PPP5C: variants seen among roughly 807,000 people sequenced by gnomAD.
PPP5C encodes the protein protein phosphatase 5 catalytic subunit, also known as serine/threonine-protein phosphatase 5.
A neutral mutation model predicts 66.7 loss-of-function variants in PPP5C; 21 were observed. The ratio of observed to expected loss-of-function variants is 0.31; its 90% CI spans 0.22 to 0.45. The LOEUF (loss-of-function observed/expected upper bound fraction) is 0.45. Ranked by LOEUF, PPP5C falls within the 20% of genes least tolerant of loss-of-function variation. The pLI is 1.00. For synonymous variants in PPP5C, 246 were observed against 257.4 expected, an observed-to-expected ratio of 0.96 and a Z score of 0.43; for missense variants, 464 against 675.9, an observed-to-expected ratio of 0.69 and a Z score of 3.48.
Position 46,376,666 on chromosome 19 carries a change from A to C in PPP5C, c.633+92A>C. The C allele has an allele frequency of 6.5e-7, 1 of 1,533,162 alleles. No homozygotes were observed. The highest frequency in any genetic ancestry group is 8.8e-7 in the Non-Finnish European group (1 of 1,132,504). The allele number at this position is 1,533,162 out of a possible 1,614,324, so 95.0% of individuals were successfully genotyped here. On this transcript the variant is annotated intron_variant, in intron 4 of 12. Transcript: ENST00000012443. This position sits in a 1 kb window ranked among gnomAD's most constrained non-coding sequence, Gnocchi z 5.1. ...GGGCACTGAGCAAAACGACAGGAGA[A>C]GGGCGGCCATGACAGCCAACACCAA...
In PPP5C at chr19:46,390,682, C is replaced by A. The variant is rs1203268809; in HGVS notation, c.*336C>A. The A allele has an allele frequency of 8.2e-7, 1 of 1,222,860 alleles. No individual in the cohort carries two copies. Among genetic ancestry groups the A allele is most frequent in the Non-Finnish European group, 1.0e-6 (1 of 966,292 alleles). 75.8% of individuals were successfully genotyped at this position (1,222,860 alleles called of 1,614,324 possible). On this transcript the variant is annotated 3_prime_UTR_variant, in exon 13 of 13. Coordinates refer to ENST00000012443, the MANE Select transcript of PPP5C (RefSeq NM_006247.4). The stretch of plus-strand genomic sequence containing the variant: ...TTGCATGGCTCCTCCCCCACTCAAG[C>A]AATAGGGCCCCGCCATAGGAAGACC...
intron 1 of PPP5C, among the ~76,000 whole-genome samples, chr19:46,352,859 G>A (rs987336349): frequency 1.3e-5 from 2 of 151,692 alleles, no homozygotes; most frequent in African/African-American, 2.4e-5. Flanking sequence ...GTCACCTGCT[G>A]TGTGACCTTG....
At chr19:46,375,528 AGGGCTGGGCAGCCTGG>A in intron 2 of PPP5C, 60 bp from the exon 3 acceptor site, 1 of 1,570,364 alleles carries the variant, frequency 6.4e-7, no homozygotes, top group South Asian at 1.2e-5. Context: ...CATGGAACCC[AGGGCTGGGCAGCCTGG>A]GGGCAACCGC....
intron 1 of PPP5C, among the ~76,000 whole-genome samples, chr19:46,352,479 G>A (rs1295264891): frequency 6.6e-6 from 1 of 152,172 alleles, no homozygotes; most frequent in African/African-American, 2.4e-5. Context: ...GGTCACCATG[G>A]CATGGGGCGT....
At chr19:46,386,392 G>A (rs573343112) in intron 7 of PPP5C, among the ~76,000 whole-genome samples, 1 of 152,306 alleles carries the variant, frequency 6.6e-6, no homozygotes, top group East Asian at 1.9e-4. Flanking sequence ...TCCAGCACAG[G>A]GTCAAAGCTC....
Position 46,387,124 on chromosome 19 carries a change from C to T in PPP5C, c.936C>T (p.Ile312=). The part of the protein sequence containing the change: ...GNHETDNMNQ[I]YGFEGEVKAK... ...ACGAGACAGACAACATGAACCAGAT[C>T]TACGGTTTCGAGGGTGAGGTGAAGG... Residue 312 remains isoleucine, a synonymous_variant, in exon 8 of 13, where the codon ATC becomes ATT. Coordinates refer to ENST00000012443, the MANE Select transcript of PPP5C (RefSeq NM_006247.4). The T allele has an allele frequency of 6.2e-7, 1 of 1,614,230 alleles. No homozygotes were observed. Among genetic ancestry groups the T allele is most frequent in the Non-Finnish European group, 8.5e-7 (1 of 1,180,048 alleles).
chr19:46,383,726 CTCCCCACGTCTCTCTCTCGGCCCG>C lies in PPP5C; in HGVS notation c.700-49_700-26del, dbSNP rs1373948879. ...TTACCCTTCCCCTCACCTCTGCCCC[CTCCCCACGTCTCTCTCTCGGCCCG>C]TCCCTCTCCGGTGGCCTCTTTTCTT... On this transcript the variant is annotated intron_variant, in intron 5 of 12. Coordinates refer to ENST00000012443, the MANE Select transcript of PPP5C (RefSeq NM_006247.4). The surrounding 1 kb of genome is among the most constrained non-coding windows in gnomAD (Gnocchi z 5.0). 1.0e-5 allele frequency: 15 copies of C among 1,430,798 alleles called. No individual in the cohort carries two copies. Among genetic ancestry groups the C allele is most frequent in the African/African-American group, 1.4e-5 (1 of 70,936 alleles). 88.6% of individuals were successfully genotyped at this position (1,430,798 alleles called of 1,614,324 possible). A position where few individuals can be genotyped will look rare whatever the true frequency, so the allele number is the denominator to read the frequency against.
At chr19:46,370,577 C>T (rs954421252) in intron 2 of PPP5C, among the ~76,000 whole-genome samples, 4 of 152,144 alleles carry the variant, frequency 2.6e-5, no homozygotes, top group African/African-American at 4.8e-5. Context: ...CTTCTTTTTT[C>T]GTCATGGATT....
At chr19:46,381,570 A>AACCC (rs1372523522) in intron 4 of PPP5C, 1 of 152,088 alleles carries the variant, frequency 6.6e-6, no homozygotes, top group African/African-American at 2.4e-5. Flanking sequence ...AACTTGTAGA[A>AACCC]ACCCCACCTC....
chr19:46,359,639 T>A (rs1462702803), intron 2 of PPP5C, among the ~76,000 whole-genome samples: 1 of 152,192 alleles, frequency 6.6e-6, no homozygotes, highest in Non-Finnish European at 1.5e-5. Flanking sequence ...AAGACACTAA[T>A]AATAGCAAGA....
chr19:46,371,432 T>C (rs1380212546), intron 2 of PPP5C, among the ~76,000 whole-genome samples: 1 of 152,112 alleles, frequency 6.6e-6, no homozygotes, highest in Non-Finnish European at 1.5e-5. Context: ...GTAATATAAC[T>C]CATTTCATCT....
chr19:46,356,635 C>T (rs189717725), intron 2 of PPP5C, among the ~76,000 whole-genome samples: 1 of 152,356 alleles, frequency 6.6e-6, no homozygotes, highest in Admixed American at 6.5e-5. Flanking sequence ...AGAGCTGAGA[C>T]TTGAACCCCT....
chr19:46,368,553 TTTTTA>T (rs1401579665), intron 2 of PPP5C, among the ~76,000 whole-genome samples: 2 of 152,262 alleles, frequency 1.3e-5, no homozygotes, highest in African/African-American at 2.4e-5. Context: ...ATTTGTTACC[TTTTTA>T]TTTTAATAGC....
chr19:46,359,209 C>T (rs992285926), intron 2 of PPP5C, among the ~76,000 whole-genome samples: 2 of 151,920 alleles, frequency 1.3e-5, no homozygotes, highest in African/African-American at 4.8e-5. Flanking sequence ...AGTAGGATGG[C>T]CTCACAGAGT....
At chr19:46,368,967 G>A (rs1302629653) in intron 2 of PPP5C, among the ~76,000 whole-genome samples, 1 of 152,140 alleles carries the variant, frequency 6.6e-6, no homozygotes, top group Non-Finnish European at 1.5e-5. Context: ...CTATCACACT[G>A]GTCCACGACA....
At chr19:46,387,794 GGTGCACACGCAC>G in intron 9 of PPP5C, 2 of 1,178,130 alleles carry the variant, frequency 1.7e-6, no homozygotes, top group Non-Finnish European at 1.1e-6. Context: ...TTCACCCACA[GGTGCACACGCAC>G]GTGCACACTG....
In PPP5C at chr19:46,347,151, C is replaced by G; in HGVS notation, c.55C>G (p.Pro19Ala). 11 of 1,605,384 alleles carry G rather than the reference C, an allele frequency of 6.9e-6. No homozygotes were observed. Among genetic ancestry groups the G allele is most frequent in the Non-Finnish European group, 9.4e-6 (11 of 1,176,244 alleles). ...GTGTGCTGAGCCCCCCCGGGACGAA[C>G]CCCCGGCTGATGGAGCTCTGAAGCG... ...TECAEPPRDE[P>A]PADGALKRAE... is the part of the protein sequence containing the mutation. Residue 19 changes from proline to alanine, a missense_variant, in exon 1 of 13, where the codon CCC (proline) becomes GCC (alanine). By Grantham distance (27) the Pro-to-Ala change is conservative. Around this residue, in one of 2 missense-constraint regions of PPP5C, gnomAD observed 77 missense variants for 49.9 expected, o/e 1.54. Transcript: ENST00000012443.
Position 46,390,560 on chromosome 19 carries a change from G to C in PPP5C, c.*214G>C. On this transcript the variant is annotated 3_prime_UTR_variant, in exon 13 of 13. Transcript: ENST00000012443. ...CTGCTCCCTGGACAGAGAGGAAGGAGGTGGAGCAGCTGGGGCTGGGGGCAC... is the reference window on the plus strand; with the variant it reads ...CTGCTCCCTGGACAGAGAGGAAGGACGTGGAGCAGCTGGGGCTGGGGGCAC... 7.1e-7 allele frequency: 1 copy of C among 1,410,096 alleles called. No homozygotes were observed. Among genetic ancestry groups the C allele is most frequent in the Non-Finnish European group, 9.2e-7 (1 of 1,081,858 alleles). The allele number at this position is 1,410,096 out of a possible 1,614,324, so 87.3% of individuals were successfully genotyped here. A position where few individuals can be genotyped will look rare whatever the true frequency, so the allele number is the denominator to read the frequency against.
rs143258983 is a variant in PPP5C, at chr19:46,387,377, A to C, written c.1059A>C (p.Gly353=). The C allele has an allele frequency of 8.1e-6, 13 of 1,608,638 alleles. No individual in the cohort carries two copies. Among genetic ancestry groups the C allele is most frequent in the Admixed American group, 1.7e-5 (1 of 59,916 alleles). The change falls in exon 9 of 13, where the codon GGA becomes GGC. Residue 353 remains glycine (G), a synonymous_variant. Transcript: ENST00000012443. ...CCCCATCTCCCCAGATCATGCACGG[A>C]GGCCTGTTCAGTGAAGACGGTGTCA... The part of the protein sequence containing the change: ...CINGKVLIMH[G]GLFSEDGVTL...
Sources: gnomAD v4.1 joint callset for allele counts (sites outside exome capture counted in the v4.1 genomes callset) on GRCh38, gnomAD v4.1.1 for gene constraint, gnomAD v4.1.1 regional missense constraint, Gnocchi (gnomAD v3.1) non-coding constraint, MANE v1.5 for transcripts, NCBI Gene and HGNC (gene_info 2026-07-23, HGNC 2026-07-21) for gene names.